Variants in RSU1 observed in about 807,000 individuals in gnomAD.
RSU1 encodes the protein rsu-1.
Under a neutral mutation model 31.1 loss-of-function variants are expected in RSU1, and 26 were observed. That is an observed-to-expected ratio of 0.84 (90% CI 0.61 to 1.16). RSU1 has a LOEUF of 1.16. Among genes scored for constraint, RSU1 ranks in the 50% most tolerant of loss-of-function variants. RSU1 has a pLI of 0.00. For missense variants in RSU1, 320 were observed against 339.1 expected, an observed-to-expected ratio of 0.94 and a Z score of 0.44; for synonymous variants, 164 against 136.3, an observed-to-expected ratio of 1.20 and a Z score of -1.41.
intron 8 of RSU1, among the ~76,000 whole-genome samples, chr10:16,668,308 T>C (rs987120977): frequency 6.6e-6 from 1 of 152,186 alleles, no homozygotes; most frequent in Non-Finnish European, 1.5e-5. Context: ...AGGAAAGTGA[T>C]AAAAGACCTA....
intron 7 of RSU1, among the ~76,000 whole-genome samples, chr10:16,725,064 A>C (rs1310304408): frequency 6.6e-6 from 1 of 152,234 alleles, no homozygotes; most frequent in Non-Finnish European, 1.5e-5. Context: ...CTGAAACTCC[A>C]GTGGTGTTCT....
chr10:16,645,493 T>A (rs954298791), intron 8 of RSU1, among the ~76,000 whole-genome samples: 1 of 152,202 alleles, frequency 6.6e-6, no homozygotes, highest in Non-Finnish European at 1.5e-5. Context: ...AGTCACTTCA[T>A]CTCTCATAAA....
intron 3 of RSU1, among the ~76,000 whole-genome samples, chr10:16,768,398 G>A (rs1273887385): frequency 1.3e-5 from 2 of 152,164 alleles, no homozygotes; most frequent in African/African-American, 4.8e-5. Flanking sequence ...GTAGAACTTC[G>A]CTTCTGACAG....
At chr10:16,671,738 G>A (rs944047863) in intron 8 of RSU1, among the ~76,000 whole-genome samples, 14 of 151,914 alleles carry the variant, frequency 9.2e-5, no homozygotes, top group African/African-American at 3.1e-4. Context: ...CAATTCTCCT[G>A]CCTCAGCCTC....
At chr10:16,671,279 A>C (rs1356922282) in intron 8 of RSU1, among the ~76,000 whole-genome samples, 1 of 152,100 alleles carries the variant, frequency 6.6e-6, no homozygotes, top group Non-Finnish European at 1.5e-5. Context: ...CCTGGGTTCA[A>C]GTGATCCTCC....
chr10:16,744,070 T>C (rs1836801249), intron 7 of RSU1, among the ~76,000 whole-genome samples: 2 of 150,138 alleles, frequency 1.3e-5, no homozygotes, highest in Non-Finnish European at 3.0e-5. Flanking sequence ...GTCAAGGTTG[T>C]AGTGAGCCAT....
At position 16,601,517 on chromosome 10, in the gene RSU1, A is replaced by G. The variant is rs2131458045; in HGVS notation, c.732-8021T>C. ...TCCACTCCTTTTTTCTTCTTTAATC[A>G]GGCCCATGTCACATGGCCATTCAAA... is the stretch of plus-strand genomic sequence containing the variant. On this transcript the variant is annotated intron_variant, in intron 8 of 8. Coordinates refer to ENST00000345264, the MANE Select transcript of RSU1 (RefSeq NM_012425.4). Among the ~76,000 whole-genome samples the G allele has an allele frequency of 1.3e-5, 2 of 152,270 alleles. 1 individual carries two copies. Among genetic ancestry groups the G allele is most frequent in the Middle Eastern group, 6.8e-3 (2 of 294 alleles).
At chr10:16,802,324 G>C (rs763814177) in intron 2 of RSU1, among the ~76,000 whole-genome samples, 1 of 151,996 alleles carries the variant, frequency 6.6e-6, no homozygotes, top group Non-Finnish European at 1.5e-5. Context: ...TTATAACTTA[G>C]ATAAAATGGA....
intron 4 of RSU1, among the ~76,000 whole-genome samples, chr10:16,761,297 A>T (rs1453526821): frequency 6.6e-6 from 1 of 152,180 alleles, no homozygotes; most frequent in Non-Finnish European, 1.5e-5. Flanking sequence ...ACTTCCTGTC[A>T]TTATTATAAA....
chr10:16,785,135 C>A (rs551612174), intron 2 of RSU1, among the ~76,000 whole-genome samples: 1 of 152,062 alleles, frequency 6.6e-6, no homozygotes, highest in Non-Finnish European at 1.5e-5. Context: ...CAGACCCACC[C>A]TTAATTTTGG....
chr10:16,651,852 A>G (rs1834689237), intron 8 of RSU1, among the ~76,000 whole-genome samples: 1 of 152,240 alleles, frequency 6.6e-6, no homozygotes, highest in African/African-American at 2.4e-5. Context: ...CATAGTTTAA[A>G]CTAATGTAAC....
intron 8 of RSU1, among the ~76,000 whole-genome samples, chr10:16,686,209 C>A (rs1446081710): frequency 2.0e-5 from 3 of 152,190 alleles, no homozygotes; most frequent in African/African-American, 7.2e-5. Flanking sequence ...TGTAATAAAA[C>A]AAGTTATTAC....
chr10:16,727,468 A>T (rs1360813699), intron 7 of RSU1, among the ~76,000 whole-genome samples: 2 of 152,150 alleles, frequency 1.3e-5, no homozygotes, highest in African/African-American at 4.8e-5. Context: ...TCAATCATGG[A>T]TTGCCGCTAC....
At chr10:16,756,405 A>G (rs1837087686) in intron 4 of RSU1, among the ~76,000 whole-genome samples, 1 of 152,168 alleles carries the variant, frequency 6.6e-6, no homozygotes, top group African/African-American at 2.4e-5. Context: ...CCTGGGTCCA[A>G]TGAGACATGG....
chr10:16,812,165 G>A (rs544320647), intron 2 of RSU1, among the ~76,000 whole-genome samples: 1 of 152,242 alleles, frequency 6.6e-6, no homozygotes, highest in East Asian at 1.9e-4. Context: ...TTTAAGGCCG[G>A]GCACAGTGGC....
At chr10:16,638,783 G>A (rs55917040) in intron 8 of RSU1, among the ~76,000 whole-genome samples, 35 of 152,322 alleles carry the variant, frequency 2.3e-4, no homozygotes, top group Admixed American at 3.9e-4. Flanking sequence ...GGAGGGCCGC[G>A]CTAGACGAGA....
chr10:16,780,341 T>A (rs915195665), intron 3 of RSU1, among the ~76,000 whole-genome samples: 8 of 152,216 alleles, frequency 5.3e-5, no homozygotes, highest in Non-Finnish European at 1.5e-5. Flanking sequence ...CACTGCAACC[T>A]CGACCTACTG....
chr10:16,737,256 A>G (rs1442163911), intron 7 of RSU1, among the ~76,000 whole-genome samples: 4 of 152,228 alleles, frequency 2.6e-5, no homozygotes, highest in African/African-American at 7.2e-5. Context: ...CTTTATGAAC[A>G]CTATAAACCC....
intron 8 of RSU1, among the ~76,000 whole-genome samples, chr10:16,627,396 A>G (rs977501828): frequency 3.3e-5 from 5 of 152,208 alleles, no homozygotes; most frequent in Non-Finnish European, 7.3e-5. Context: ...TGGCATGACA[A>G]AAATGTTTGT....
Sources: allele counts gnomAD v4.1 joint callset (sites outside exome capture counted in the v4.1 genomes callset), GRCh38; gene constraint gnomAD v4.1.1; transcripts MANE v1.5; gene names NCBI Gene and HGNC (gene_info 2026-07-23, HGNC 2026-07-21).